RAB38: variants seen among roughly 807,000 people sequenced by gnomAD.
RAB38 encodes RAB38, member RAS oncogene family.
In RAB38, 15 loss-of-function variants were observed where a neutral mutation model predicts 18.4. The ratio of observed to expected loss-of-function variants is 0.82; its 90% confidence interval spans 0.55 to 1.26. The LOEUF (loss-of-function observed/expected upper bound fraction) is 1.26. RAB38 is among the 50% of genes most tolerant of loss of function. The pLI is 0.00. For synonymous variants in RAB38, 101 were observed against 104.4 expected (o/e 0.97, Z 0.20); for missense variants, 294 against 267.4 (o/e 1.10, Z -0.69).
At chr11:87,972,322 G>C in the RAB38 span, among the ~76,000 whole-genome samples, 1 of 152,012 alleles carries the variant, frequency 6.6e-6, no homozygotes. Context: ...GCTGATTGCA[G>C]AAGTGAAACA....
At chr11:87,888,999 T>G in the RAB38 span, among the ~76,000 whole-genome samples, 1 of 151,924 alleles carries the variant, frequency 6.6e-6, no homozygotes, top group African/African-American at 2.4e-5. Flanking sequence ...TAATTAGTGC[T>G]CATGTGACTC....
chr11:88,136,924 T>C (rs1048698275), intron 2 of RAB38, among the ~76,000 whole-genome samples: 11 of 152,320 alleles, frequency 7.2e-5, no homozygotes, highest in Non-Finnish European at 1.5e-4. Flanking sequence ...GTTTATCTTC[T>C]GAATAAACTA....
the RAB38 span, among the ~76,000 whole-genome samples, chr11:87,842,792 A>C: frequency 7.2e-6 from 1 of 139,516 alleles, no homozygotes; most frequent in African/African-American, 2.7e-5. Flanking sequence ...ATGCATGCGC[A>C]TGCACACACA....
the RAB38 span, among the ~76,000 whole-genome samples, chr11:88,072,699 C>CT: frequency 1.1e-3 from 162 of 152,032 alleles, 1 homozygote; most frequent in African/African-American, 3.8e-3. Context: ...ATATTTATGA[C>CT]TGAGCGAAAG....
In RAB38 at chr11:88,160,551, C is replaced by T. The variant is rs1943177974; in HGVS notation, c.203-10596G>A. On this transcript the variant is annotated intron_variant, in intron 1 of 2. Coordinates refer to ENST00000243662, the MANE Select transcript of RAB38 (RefSeq NM_022337.3). ...CACTCACATGTTCATTGCAATACTA[C>T]TGACAATAGCAAAGACATGGAATCA... Among the ~76,000 whole-genome samples, 4 of 152,016 alleles carry T rather than the reference C, an allele frequency of 2.6e-5. No individual in the cohort carries two copies. In the South Asian group the frequency reaches 8.3e-4, roughly 32 times the overall value.
chr11:87,911,277 A>G, the RAB38 span, among the ~76,000 whole-genome samples: 2 of 151,996 alleles, frequency 1.3e-5, no homozygotes, highest in African/African-American at 4.8e-5. Context: ...TTGAATTTCC[A>G]TATTAATTTT....
At chr11:87,826,868 C>T in the RAB38 span, among the ~76,000 whole-genome samples, 5 of 152,132 alleles carry the variant, frequency 3.3e-5, no homozygotes, top group African/African-American at 1.2e-4. Context: ...TTAACCTCTT[C>T]ACCATACTCA....
At chr11:87,824,075 T>C in the RAB38 span, among the ~76,000 whole-genome samples, 1 of 152,154 alleles carries the variant, frequency 6.6e-6, no homozygotes, top group Admixed American at 6.5e-5. Flanking sequence ...AAAGAGCAAT[T>C]TGCCTCCAAA....
the RAB38 span, among the ~76,000 whole-genome samples, chr11:88,039,704 T>C: frequency 1.3e-5 from 2 of 152,156 alleles, no homozygotes; most frequent in African/African-American, 4.8e-5. Flanking sequence ...AGGACCTAAA[T>C]AGGCATGAGA....
chr11:88,036,806 T>C, the RAB38 span, among the ~76,000 whole-genome samples: 13 of 151,996 alleles, frequency 8.6e-5, no homozygotes, highest in Non-Finnish European at 1.6e-4. Flanking sequence ...TTTACATTAA[T>C]AGATTTCTTA....
At chr11:87,858,089 C>T in the RAB38 span, among the ~76,000 whole-genome samples, 1 of 152,148 alleles carries the variant, frequency 6.6e-6, no homozygotes, top group African/African-American at 2.4e-5. Context: ...TATGGCTAGC[C>T]AGTTTTCCCA....
At chr11:88,033,312 GCA>G in the RAB38 span, among the ~76,000 whole-genome samples, 1 of 151,444 alleles carries the variant, frequency 6.6e-6, no homozygotes, top group South Asian at 2.1e-4. Flanking sequence ...CACCAGCATG[GCA>G]CATGTATACA....
chr11:88,158,953 A>G (rs1943157044), intron 1 of RAB38, among the ~76,000 whole-genome samples: 1 of 152,072 alleles, frequency 6.6e-6, no homozygotes, highest in African/African-American at 2.4e-5. Flanking sequence ...AAAAAATCCA[A>G]ATAGGAAAAC....
At chr11:87,885,195 T>G in the RAB38 span, among the ~76,000 whole-genome samples, 1 of 151,984 alleles carries the variant, frequency 6.6e-6, no homozygotes, top group Non-Finnish European at 1.5e-5. Flanking sequence ...TCAGGTGTGA[T>G]CCTTAGTTGC....
At chr11:87,843,253 C>G in the RAB38 span, among the ~76,000 whole-genome samples, 1 of 152,214 alleles carries the variant, frequency 6.6e-6, no homozygotes, top group Non-Finnish European at 1.5e-5. Flanking sequence ...TACATATGTT[C>G]CAAACAGCCA....
the RAB38 span, among the ~76,000 whole-genome samples, chr11:88,061,370 C>A: frequency 6.6e-6 from 1 of 152,120 alleles, no homozygotes; most frequent in Non-Finnish European, 1.5e-5. Context: ...AGAAAAATAG[C>A]AAATTAGTCA....
the RAB38 span, among the ~76,000 whole-genome samples, chr11:87,919,109 T>C: frequency 6.6e-6 from 1 of 152,208 alleles, no homozygotes; most frequent in Admixed American, 6.5e-5. Flanking sequence ...ATTTATTAAA[T>C]AGACTGCCTT....
chr11:88,029,537 C>G, the RAB38 span, among the ~76,000 whole-genome samples: 2 of 152,100 alleles, frequency 1.3e-5, no homozygotes, highest in Non-Finnish European at 2.9e-5. Context: ...GGAGGAAGAT[C>G]TACCAAGCAA....
chr11:88,049,830 G>T, the RAB38 span, among the ~76,000 whole-genome samples: 1 of 152,148 alleles, frequency 6.6e-6, no homozygotes, highest in Non-Finnish European at 1.5e-5. Context: ...TTCACCGTCT[G>T]GGCCAAATGT....
Sources: allele counts gnomAD v4.1 joint callset (sites outside exome capture counted in the v4.1 genomes callset), GRCh38; gene constraint gnomAD v4.1.1; transcripts MANE v1.5; gene names NCBI Gene and HGNC (gene_info 2026-07-23, HGNC 2026-07-21).